Variants in INPP5A observed in about 807,000 individuals in gnomAD.
The protein encoded by INPP5A is 43 kDa inositol polyphosphate 5-phophatase.
In INPP5A, 14 loss-of-function variants were observed where a neutral mutation model predicts 65.2. The ratio of observed to expected loss-of-function variants is 0.21; its 90% confidence interval spans 0.14 to 0.34. The LOEUF (loss-of-function observed/expected upper bound fraction) is 0.34. Ranked by LOEUF, INPP5A falls within the 10% of genes least tolerant of loss-of-function variation. The pLI, the probability that INPP5A is intolerant of heterozygous loss-of-function variation, is 1.00. For missense variants in INPP5A, 431 were observed against 545.6 expected (o/e 0.79, Z 2.09); for synonymous variants, 207 against 208.3 (o/e 0.99, Z 0.05).
At chr10:132,726,715 C>T in intron 8 of INPP5A, 106 bp from the exon 9 acceptor site, 1 of 774,950 alleles carries the variant, frequency 1.3e-6, no homozygotes, top group East Asian at 2.5e-5. Flanking sequence ...CAGCAGGTGA[C>T]AGAACAGAGA....
chr10:132,771,068 GCCACCGAGGTCTAAGTTAC>G (rs991269109), intron 12 of INPP5A, among the ~76,000 whole-genome samples: 7 of 152,252 alleles, frequency 4.6e-5, no homozygotes, highest in Non-Finnish European at 7.3e-5. Context: ...ATGCCTGTTA[GCCACCGAGGTCTAAGTTAC>G]CACAGTCTGT....
rs376203197 is a variant in INPP5A, at chr10:132,749,753, G to C, written c.829-18G>C. ...GCTGGGGGAGCTCAGGTGCTCATGG[G>C]CCACTCTGACTTCACAGGTTATGCT... On this transcript the variant is annotated intron_variant, in intron 10 of 15. Transcript: ENST00000368594. 8.1e-6 allele frequency: 13 copies of C among 1,612,340 alleles called. No individual in the cohort carries two copies. In the East Asian group the frequency reaches 1.8e-4, roughly 22 times the overall value.
chr10:132,690,568 T>A, intron 5 of INPP5A, 113 bp downstream of exon 5: 1 of 788,572 alleles, frequency 1.3e-6, no homozygotes, highest in South Asian at 1.5e-5. Flanking sequence ...GTGGGCTGGG[T>A]GTCTTGAGCC....
chr10:132,587,708 G>A lies in INPP5A; in HGVS notation c.76-20207G>A, dbSNP rs780777230. ...ATGATTTCAAAGTTATACTTGTGTTGTTTCTTAGAATTTGGCCGGGCATGG... is the reference window on the plus strand; with the variant it reads ...ATGATTTCAAAGTTATACTTGTGTTATTTCTTAGAATTTGGCCGGGCATGG... On this transcript the variant is annotated intron_variant, in intron 1 of 15. Transcript: ENST00000368594. The surrounding 1 kb of genome is among the most constrained non-coding windows in gnomAD (Gnocchi z 4.3). Among the ~76,000 whole-genome samples, 3 of 152,112 alleles carry A rather than the reference G, an allele frequency of 2.0e-5. No individual in the cohort carries two copies. The highest frequency in any genetic ancestry group is 4.4e-5 in the Non-Finnish European group (3 of 68,010).
intron 6 of INPP5A, among the ~76,000 whole-genome samples, chr10:132,703,520 C>T (rs1845472784): frequency 6.8e-6 from 1 of 146,338 alleles, no homozygotes; most frequent in Non-Finnish European, 1.5e-5. Flanking sequence ...CACACACACA[C>T]ACACTCACAT....
At chr10:132,701,214 TGAGA>T (rs1845431436) in intron 6 of INPP5A, among the ~76,000 whole-genome samples, 1 of 152,214 alleles carries the variant, frequency 6.6e-6, no homozygotes, top group African/African-American at 2.4e-5. Flanking sequence ...AACAGGGGCC[TGAGA>T]GAGACTTCAT....
At chr10:132,751,318 G>C (rs914647617) in intron 11 of INPP5A, among the ~76,000 whole-genome samples, 3 of 152,212 alleles carry the variant, frequency 2.0e-5, no homozygotes, top group Non-Finnish European at 2.9e-5. Flanking sequence ...TTGGTGTCCT[G>C]TCCCCACATG....
At chr10:132,723,089 G>A (rs1447991299) in intron 8 of INPP5A, among the ~76,000 whole-genome samples, 1 of 152,198 alleles carries the variant, frequency 6.6e-6, no homozygotes, top group Non-Finnish European at 1.5e-5. Flanking sequence ...AGCAGAGCAG[G>A]GCGAGGAAGT....
At chr10:132,739,648 G>A (rs1055797583) in intron 9 of INPP5A, among the ~76,000 whole-genome samples, 30 of 152,342 alleles carry the variant, frequency 2.0e-4, no homozygotes, top group African/African-American at 6.7e-4. Flanking sequence ...CCTGGGAGCC[G>A]GGTGAGTCGC....
At chr10:132,554,076 A>G (rs1351490949) in intron 1 of INPP5A, among the ~76,000 whole-genome samples, 1 of 150,786 alleles carries the variant, frequency 6.6e-6, no homozygotes. Context: ...GGACTGGTGA[A>G]CACCTTCTCA....
chr10:132,724,999 C>A (rs1255956625), intron 8 of INPP5A, among the ~76,000 whole-genome samples: 1 of 149,468 alleles, frequency 6.7e-6, no homozygotes, highest in African/African-American at 2.5e-5. Flanking sequence ...AGACGGGGGT[C>A]ACTCTCCAGA....
Position 132,690,473 on chromosome 10 carries a change from C to T in INPP5A, c.370+18C>T. 1.3e-6 allele frequency: 2 copies of T among 1,597,546 alleles called. No homozygotes were observed. The highest frequency in any genetic ancestry group is 1.7e-5 in the Admixed American group (1 of 59,966). On this transcript the variant is annotated intron_variant, in intron 5 of 15. Coordinates refer to ENST00000368594, the MANE Select transcript of INPP5A (RefSeq NM_005539.5). The stretch of plus-strand genomic sequence containing the variant: ...CTTTAAAGGTAAGACTGCGTGCCGT[C>T]TTCCGGGATTTTGTCTCGGCACTCA...
At chr10:132,540,857 A>T (rs571017692) in intron 1 of INPP5A, among the ~76,000 whole-genome samples, 198 of 152,330 alleles carry the variant, frequency 1.3e-3, no homozygotes, top group African/African-American at 4.5e-3. Context: ...AGTTCCGAGG[A>T]GGAAGGTGTT....
At position 132,690,439 on chromosome 10, in the gene INPP5A, C is replaced by T. The variant is rs1194556215; in HGVS notation, c.354C>T (p.Tyr118=). ...TTCATGAGTCCTTAAAAAACATCTA[C>T]CAGTTTGACTTTAAAGGTAAGACTG... ...YFLHESLKNI[Y]QFDFKAKKYR... Residue 118 remains tyrosine, a synonymous_variant, in exon 5 of 16, where the codon TAC becomes TAT. Coordinates refer to ENST00000368594, the MANE Select transcript of INPP5A (RefSeq NM_005539.5). 9.3e-6 allele frequency: 15 copies of T among 1,612,326 alleles called. No homozygotes were observed. The Admixed American group carries it at 2.3e-4, about 25-fold the overall frequency.
intron 1 of INPP5A, among the ~76,000 whole-genome samples, chr10:132,595,431 C>G (rs566708413): frequency 6.6e-6 from 1 of 152,360 alleles, no homozygotes; most frequent in East Asian, 1.9e-4. Context: ...ATTTTAACCA[C>G]TGGTAACTGT....
intron 1 of INPP5A, among the ~76,000 whole-genome samples, chr10:132,607,197 G>A (rs759740160): frequency 3.9e-5 from 6 of 152,238 alleles, no homozygotes; most frequent in Admixed American, 1.3e-4. Context: ...CGACTGGGCC[G>A]TCCCTTCTCC....
intron 1 of INPP5A, among the ~76,000 whole-genome samples, chr10:132,570,408 C>T (rs76813770): frequency 0.015 from 2,273 of 152,252 alleles, 30 homozygotes; most frequent in South Asian, 0.038. Context: ...GGGAGGAGTT[C>T]GGGTGGAGCT....
intron 4 of INPP5A, among the ~76,000 whole-genome samples, chr10:132,653,685 ATTAAC>A (rs988779538): frequency 6.6e-6 from 1 of 152,284 alleles, no homozygotes; most frequent in African/African-American, 2.4e-5. Context: ...ATATTTGGAA[ATTAAC>A]TTGTTTGTTA....
At chr10:132,717,880 C>A (rs565610723) in intron 8 of INPP5A, among the ~76,000 whole-genome samples, 150 of 143,808 alleles carry the variant, frequency 1.0e-3, no homozygotes, top group African/African-American at 3.5e-3. Flanking sequence ...GTCTGGGCGC[C>A]TTAGACGGCT....
Sources: allele counts gnomAD v4.1 joint callset (sites outside exome capture counted in the v4.1 genomes callset), GRCh38; gene constraint gnomAD v4.1.1; non-coding constraint Gnocchi (gnomAD v3.1); transcripts MANE v1.5; gene names NCBI Gene and HGNC (gene_info 2026-07-23, HGNC 2026-07-21).